ZNF609: variants seen among roughly 807,000 people sequenced by gnomAD.
The protein encoded by ZNF609 is zinc finger protein 609.
Under a neutral mutation model 109.5 loss-of-function variants are expected in ZNF609, and 11 were observed. The observed-to-expected ratio is 0.10, with a 90% CI of 0.06 to 0.17. The LOEUF (loss-of-function observed/expected upper bound fraction) is 0.17. ZNF609 is among the 10% of genes least tolerant of loss of function. The pLI, the probability that ZNF609 is intolerant of heterozygous loss-of-function variation, is 1.00. For missense variants in ZNF609, 1,559 were observed against 1,772.4 expected (o/e 0.88, Z 2.16); for synonymous variants, 646 against 662.0 (o/e 0.98, Z 0.37).
At chr15:64,475,664 T>G (rs1256427175) in intron 1 of ZNF609, among the ~76,000 whole-genome samples, 1 of 152,158 alleles carries the variant, frequency 6.6e-6, no homozygotes, top group Non-Finnish European at 1.5e-5. Flanking sequence ...GTGCTTGGAT[T>G]ACAGGCATGA....
At chr15:64,501,233 A>C (rs747751327) in intron 2 of ZNF609, 1 of 152,134 alleles carries the variant, frequency 6.6e-6, no homozygotes, top group African/African-American at 2.4e-5. Flanking sequence ...ACCTATTTCC[A>C]TATGTAAGTG....
At chr15:64,610,149 C>T (rs1895693983) in intron 2 of ZNF609, among the ~76,000 whole-genome samples, 1 of 152,136 alleles carries the variant, frequency 6.6e-6, no homozygotes, top group Non-Finnish European at 1.5e-5. Context: ...GCAGCTTAGG[C>T]AACATAGGGA....
intron 4 of ZNF609, among the ~76,000 whole-genome samples, chr15:64,673,105 G>A (rs934978078): frequency 5.9e-5 from 9 of 152,218 alleles, no homozygotes; most frequent in African/African-American, 2.2e-4. Context: ...AGAGATAGGA[G>A]CTGAGTGAGT....
chr15:64,676,107 G>C lies in ZNF609; in HGVS notation c.3253G>C (p.Asp1085His). ...AKSVIIPKLD[D>H]SSKLPGQAPE... ...ATCAGTCATCATTCCCAAGTTAGAT[G>C]ACTCTTCAAAACTCCCGGGCCAGGC... The change falls in exon 5 of 10, where the codon GAC becomes CAC. Residue 1085 changes from aspartate (D) to histidine (H), a missense_variant. By Grantham distance (81) the Asp-to-His change is moderately conservative. Around this residue, in one of 4 missense-constraint regions of ZNF609, gnomAD observed 1,204 missense variants for 1,314.1 expected, o/e 0.92. Coordinates refer to ENST00000326648, the MANE Select transcript of ZNF609 (RefSeq NM_015042.2). 1 of 1,614,184 alleles carries C rather than the reference G, an allele frequency of 6.2e-7. No individual in the cohort carries two copies. Among genetic ancestry groups the C allele is most frequent in the Non-Finnish European group, 8.5e-7 (1 of 1,180,034 alleles).
At chr15:64,552,714 A>G (rs1366906358) in intron 2 of ZNF609, among the ~76,000 whole-genome samples, 2 of 152,064 alleles carry the variant, frequency 1.3e-5, no homozygotes, top group Non-Finnish European at 2.9e-5. Context: ...CAGTGATGGG[A>G]TCATAGCTCA....
intron 3 of ZNF609, among the ~76,000 whole-genome samples, chr15:64,666,854 G>T (rs565176228): frequency 6.3e-4 from 96 of 151,798 alleles, no homozygotes; most frequent in African/African-American, 2.2e-3. Context: ...TGGGCCAGGC[G>T]CGGTGGCTCA....
chr15:64,596,738 G>A (rs1378014415), intron 2 of ZNF609, among the ~76,000 whole-genome samples: 4 of 152,130 alleles, frequency 2.6e-5, no homozygotes, highest in African/African-American at 9.7e-5. Flanking sequence ...TAGCATAGGA[G>A]CCATACATAA....
chr15:64,685,236 G>T lies in ZNF609; in HGVS notation c.*3550G>T, dbSNP rs1383111025. 6.6e-6 allele frequency: 1 copy of T among 152,222 alleles called. No individual in the cohort carries two copies. The highest frequency in any genetic ancestry group is 2.4e-5 in the African/African-American group (1 of 41,308). The allele number at this position is 152,222 out of a possible 1,614,324, so 9.4% of individuals were successfully genotyped here. The stretch of plus-strand genomic sequence containing the variant: ...GCCTTTGTACATTCAGGCAAGAAGA[G>T]AAAATAAATCTTTTTAAGAGACAAT... On this transcript the variant is annotated 3_prime_UTR_variant, in exon 10 of 10. Coordinates refer to ENST00000326648, the MANE Select transcript of ZNF609 (RefSeq NM_015042.2).
intron 2 of ZNF609, among the ~76,000 whole-genome samples, chr15:64,570,446 A>G (rs1357045971): frequency 6.6e-6 from 1 of 152,326 alleles, no homozygotes; most frequent in Admixed American, 6.5e-5. Context: ...CTTAGAAGCC[A>G]TGTTCTAATC....
At chr15:64,594,832 C>A (rs1233342476) in intron 2 of ZNF609, among the ~76,000 whole-genome samples, 1 of 148,946 alleles carries the variant, frequency 6.7e-6, no homozygotes, top group East Asian at 2.0e-4. Flanking sequence ...CGAGACCATC[C>A]TGGCTAACAA....
At chr15:64,626,989 A>C (rs369792637) in intron 3 of ZNF609, among the ~76,000 whole-genome samples, 29 of 152,238 alleles carry the variant, frequency 1.9e-4, no homozygotes, top group East Asian at 1.5e-3. Context: ...CGGGAGGTAC[A>C]CTTGAGGTCA....
chr15:64,606,157 AGGCTGGAGTGCAGT>A (rs1388775851), intron 2 of ZNF609, among the ~76,000 whole-genome samples: 1 of 151,670 alleles, frequency 6.6e-6, no homozygotes, highest in Non-Finnish European at 1.5e-5. Context: ...TCTGTCACCC[AGGCTGGAGTGCAGT>A]GGCACAGTCA....
chr15:64,573,342 C>CTTTTTT (rs1156864847), intron 2 of ZNF609, among the ~76,000 whole-genome samples: 4 of 53,670 alleles, frequency 7.5e-5, no homozygotes, highest in Non-Finnish European at 1.6e-4. Context: ...AGTGGCCCAA[C>CTTTTTT]TTTCTTTTTT....
intron 1 of ZNF609, among the ~76,000 whole-genome samples, chr15:64,463,098 TA>T (rs1443815047): frequency 6.6e-6 from 1 of 151,936 alleles, no homozygotes; most frequent in Non-Finnish European, 1.5e-5. Flanking sequence ...TACAAAAATT[TA>T]AAAAAATACA....
chr15:64,680,561 T>TTGTG lies in ZNF609; in HGVS notation c.3946-60_3946-57dup, dbSNP rs147044397. ...TAAGGTGGCACCCTGGGCATCTCAC[T>TTGTG]TGTGTGTGTGTGTGTGTGTGTGTGT... On this transcript the variant is annotated intron_variant, in intron 7 of 9. Transcript: ENST00000326648. 8.9e-3 allele frequency: 10,028 copies of TTGTG among 1,131,826 alleles called. 115 individuals carry two copies. Among genetic ancestry groups the TTGTG allele is most frequent in the African/African-American group, 0.068 (4,306 of 63,266 alleles). 70.1% of individuals were successfully genotyped at this position (1,131,826 alleles called of 1,614,324 possible).
intron 2 of ZNF609, among the ~76,000 whole-genome samples, chr15:64,534,614 C>T (rs1269704218): frequency 1.3e-5 from 2 of 152,118 alleles, no homozygotes; most frequent in African/African-American, 2.4e-5. Flanking sequence ...CGCGCCTGGC[C>T]GTGTTAACTT....
chr15:64,463,587 G>A (rs910434944), intron 1 of ZNF609, among the ~76,000 whole-genome samples: 10 of 152,170 alleles, frequency 6.6e-5, no homozygotes, highest in Non-Finnish European at 1.5e-4. Flanking sequence ...TTAGCCTTTG[G>A]TTTTGGTAAA....
At chr15:64,650,205 A>T (rs1484247525) in intron 3 of ZNF609, among the ~76,000 whole-genome samples, 1 of 151,296 alleles carries the variant, frequency 6.6e-6, no homozygotes, top group Non-Finnish European at 1.5e-5. Flanking sequence ...GTAGTTCGGG[A>T]CCAGCCTGGG....
At chr15:64,516,534 C>T (rs1373538614) in intron 2 of ZNF609, among the ~76,000 whole-genome samples, 1 of 152,120 alleles carries the variant, frequency 6.6e-6, no homozygotes, top group East Asian at 1.9e-4. Context: ...CCACCACCCA[C>T]ACCCGGCTAA....
Sources: allele counts gnomAD v4.1 joint callset (sites outside exome capture counted in the v4.1 genomes callset), GRCh38; gene constraint gnomAD v4.1.1; regional missense constraint gnomAD v4.1.1; transcripts MANE v1.5; gene names NCBI Gene and HGNC (gene_info 2026-07-23, HGNC 2026-07-21).